STAG1: variants seen among roughly 807,000 people sequenced by gnomAD.
STAG1 encodes STAG1 cohesin complex component, also known as cohesin subunit SA-1.
STAG1 carries 26 observed loss-of-function variants against 170.9 expected under a neutral mutation model. The ratio of observed to expected loss-of-function variants is 0.15; its 90% CI spans 0.11 to 0.21. The LOEUF (loss-of-function observed/expected upper bound fraction) is 0.21. Ranked by LOEUF, STAG1 falls within the 10% of genes least tolerant of loss-of-function variation. The pLI, the probability that STAG1 is intolerant of heterozygous loss-of-function variation, is 1.00. For missense variants in STAG1, 964 were observed against 1,509.5 expected (o/e 0.64, Z 5.99); for synonymous variants, 514 against 497.7 (o/e 1.03, Z -0.44).
intron 7 of STAG1, among the ~76,000 whole-genome samples, chr3:136,507,468 T>C (rs1156619573): frequency 6.6e-6 from 1 of 152,080 alleles, no homozygotes; most frequent in Non-Finnish European, 1.5e-5. Flanking sequence ...CAGGCTCAAG[T>C]GATCCTCTCA....
At chr3:136,675,030 A>G (rs556569855) in intron 1 of STAG1, among the ~76,000 whole-genome samples, 1 of 152,234 alleles carries the variant, frequency 6.6e-6, no homozygotes, top group Non-Finnish European at 1.5e-5. Flanking sequence ...TGAAATGTTC[A>G]ACTAAAAAGT....
At chr3:136,471,553 C>T (rs946252614) in intron 12 of STAG1, among the ~76,000 whole-genome samples, 3 of 152,092 alleles carry the variant, frequency 2.0e-5, no homozygotes, top group African/African-American at 7.2e-5. Context: ...CAGTAGATCC[C>T]TGCATACATA....
chr3:136,405,791 C>CAAAT (rs2087465001), intron 21 of STAG1, among the ~76,000 whole-genome samples: 1 of 50,080 alleles, frequency 2.0e-5, no homozygotes. Context: ...ACTCTATCTC[C>CAAAT]AAAAAAAAAA....
chr3:136,502,857 G>A (rs1933553658), intron 7 of STAG1, 78 bp from the exon 8 acceptor site: 4 of 1,162,984 alleles, frequency 3.4e-6, no homozygotes, highest in Non-Finnish European at 3.4e-6. Context: ...TAAAGCCAAT[G>A]GATGAAGAAA....
chr3:136,456,453 T>A (rs564657904), intron 13 of STAG1, among the ~76,000 whole-genome samples: 2 of 152,008 alleles, frequency 1.3e-5, no homozygotes, highest in African/African-American at 4.8e-5. Flanking sequence ...CTTATGAAAT[T>A]ACCTAGTCAG....
Position 136,338,094 on chromosome 3 carries a change from G to A in STAG1, c.*160C>T, listed in dbSNP as rs1935773113. On this transcript the variant is annotated 3_prime_UTR_variant, in exon 34 of 34. Coordinates refer to ENST00000383202, the MANE Select transcript of STAG1 (RefSeq NM_005862.3). ...CAACATTCCCTTGGGTAATTTACAT[G>A]CTCCTCTTCTGTCACTGCAAAAAGG... 1.7e-6 allele frequency: 1 copy of A among 585,912 alleles called. No homozygotes were observed. Among genetic ancestry groups the A allele is most frequent in the Admixed American group, 3.3e-5 (1 of 30,296 alleles). 36.3% of individuals were successfully genotyped at this position (585,912 alleles called of 1,614,324 possible).
At chr3:136,737,018 G>A (rs1576831618) in intron 1 of STAG1, 11 of 1,556,450 alleles carry the variant, frequency 7.1e-6, no homozygotes, top group East Asian at 6.7e-5. Context: ...GATAACTGCC[G>A]CTTTTTTATT....
intron 22 of STAG1, among the ~76,000 whole-genome samples, chr3:136,389,431 T>C (rs1205782679): frequency 6.6e-6 from 1 of 152,212 alleles, no homozygotes; most frequent in Non-Finnish European, 1.5e-5. Flanking sequence ...TAGCTGGGAC[T>C]ACAGGCGCAC....
Position 136,488,403 on chromosome 3 carries a change from G to A in STAG1, c.903-10991C>T, listed in dbSNP as rs143732915. 3.4e-3 allele frequency among the ~76,000 whole-genome samples: 513 copies of A among 152,316 alleles called. 8 individuals are homozygous for A. In the East Asian group the frequency reaches 0.047, roughly 14 times the overall value. On this transcript the variant is annotated intron_variant, in intron 9 of 33. Transcript: ENST00000383202. ...CTCCCAAAGGGCTGGGGTTACAGGCGTGAGCCACTGCCCCCAGCCTGAGAT... is the reference window on the plus strand; with the variant it reads ...CTCCCAAAGGGCTGGGGTTACAGGCATGAGCCACTGCCCCCAGCCTGAGAT...
intron 1 of STAG1, among the ~76,000 whole-genome samples, chr3:136,728,415 G>T (rs560924490): frequency 1.3e-5 from 2 of 152,266 alleles, no homozygotes; most frequent in African/African-American, 4.8e-5. Context: ...CATAAAGGAA[G>T]CCAGACTGCC....
intron 1 of STAG1, among the ~76,000 whole-genome samples, chr3:136,685,779 G>C (rs562709322): frequency 6.6e-6 from 1 of 152,216 alleles, no homozygotes; most frequent in South Asian, 2.1e-4. Context: ...AAAGGGTTGG[G>C]GGGACTAGTA....
chr3:136,610,389 T>G (rs749116373), intron 3 of STAG1, among the ~76,000 whole-genome samples: 1 of 152,230 alleles, frequency 6.6e-6, no homozygotes, highest in African/African-American at 2.4e-5. Flanking sequence ...TCCTTGATCA[T>G]GGCTCTCCCT....
chr3:136,737,255 C>T (rs1367242005), intron 1 of STAG1: 1 of 587,142 alleles, frequency 1.7e-6, no homozygotes, highest in Admixed American at 2.3e-5. Flanking sequence ...CCACGTGACC[C>T]CCATGCCCAG....
chr3:136,611,825 C>A (rs1000574797), intron 3 of STAG1, among the ~76,000 whole-genome samples: 1 of 151,416 alleles, frequency 6.6e-6, no homozygotes, highest in Non-Finnish European at 1.5e-5. Flanking sequence ...TTAACTGTGA[C>A]CCGTCACATA....
intron 9 of STAG1, among the ~76,000 whole-genome samples, chr3:136,486,439 A>G (rs1035489890): frequency 1.3e-5 from 2 of 152,240 alleles, no homozygotes; most frequent in Non-Finnish European, 2.9e-5. Flanking sequence ...AACTCCCCTC[A>G]AAAACCAAAA....
intron 1 of STAG1, among the ~76,000 whole-genome samples, chr3:136,714,670 G>A (rs1434514412): frequency 6.6e-6 from 1 of 151,998 alleles, no homozygotes; most frequent in East Asian, 1.9e-4. Context: ...GGAGCTTGCA[G>A]TGAGCCAAGA....
rs545286244 is a variant in STAG1 at position 136,678,755 on chromosome 3, G to C, written c.-83-47774C>G. Reference sequence around the variant, plus strand: ...GTGCCATGTGTGGTGGCTCATGCCTGTAATCCCGGCACTTTGGAAGGCCAA... The same window carrying C: ...GTGCCATGTGTGGTGGCTCATGCCTCTAATCCCGGCACTTTGGAAGGCCAA... On this transcript the variant is annotated intron_variant, in intron 1 of 33. Coordinates refer to ENST00000383202, the MANE Select transcript of STAG1 (RefSeq NM_005862.3). Among the ~76,000 whole-genome samples, 84 of 149,768 alleles carry C rather than the reference G, an allele frequency of 5.6e-4. 1 individual carries two copies. Among genetic ancestry groups the C allele is most frequent in the African/African-American group, 1.5e-3 (60 of 40,786 alleles).
intron 21 of STAG1, among the ~76,000 whole-genome samples, chr3:136,403,533 T>A (rs2087397494): frequency 6.6e-6 from 1 of 151,968 alleles, no homozygotes; most frequent in Non-Finnish European, 1.5e-5. Context: ...TTAAGTACAA[T>A]AATAATGAGG....
intron 1 of STAG1, among the ~76,000 whole-genome samples, chr3:136,716,142 G>C (rs1943535509): frequency 6.7e-6 from 1 of 148,852 alleles, no homozygotes; most frequent in African/African-American, 2.5e-5. Context: ...AATTTTCATG[G>C]TTCACTTTTC....
Sources: allele counts gnomAD v4.1 joint callset (sites outside exome capture counted in the v4.1 genomes callset), GRCh38; gene constraint gnomAD v4.1.1; transcripts MANE v1.5; gene names NCBI Gene and HGNC (gene_info 2026-07-23, HGNC 2026-07-21).